The following SKIC8 variants were observed in gnomAD, a reference collection of about 807,000 sequenced individuals.
The protein encoded by SKIC8 is superkiller complex protein 8.
the SKIC8 span, chr15:78,292,758 A>C: frequency 2.4e-5 from 39 of 1,613,852 alleles, no homozygotes; most frequent in Non-Finnish European, 3.3e-5. Context: ...GTCCCTCCAG[A>C]CTCCACTGTA....
At chr15:78,292,599 A>G in the SKIC8 span, 6 of 1,614,002 alleles carry the variant, frequency 3.7e-6, no homozygotes, top group Non-Finnish European at 5.1e-6. Context: ...TATCTCCCCT[A>G]CAAGTAAAAC....
chr15:78,288,806 A>T, the SKIC8 span: 4 of 361,112 alleles, frequency 1.1e-5, no homozygotes, highest in Admixed American at 1.7e-4. Flanking sequence ...TCAAAACAGC[A>T]CAACAGTACG....
the SKIC8 span, chr15:78,295,033 C>T: frequency 6.2e-7 from 1 of 1,602,218 alleles, no homozygotes; most frequent in Admixed American, 1.7e-5. Flanking sequence ...CTCACATTGC[C>T]TCCAGAAAGC....
the SKIC8 span, chr15:78,294,840 G>A: frequency 7.7e-7 from 1 of 1,296,442 alleles, no homozygotes; most frequent in Non-Finnish European, 1.1e-6. Flanking sequence ...TCTGCAAAGT[G>A]AGTATACTTG....
chr15:78,285,389 G>A, the SKIC8 span: 33 of 1,545,932 alleles, frequency 2.1e-5, no homozygotes, highest in African/African-American at 3.7e-4. Context: ...GAAGGACTTC[G>A]ACCAAAAATC....
the SKIC8 span, chr15:78,283,600 C>A: frequency 8.8e-7 from 1 of 1,142,592 alleles, no homozygotes; most frequent in South Asian, 1.5e-5. Context: ...CTTATTTTCT[C>A]GTTATTCTGA....
At chr15:78,289,458 A>C in the SKIC8 span, among the ~76,000 whole-genome samples, 1 of 152,162 alleles carries the variant, frequency 6.6e-6, no homozygotes, top group African/African-American at 2.4e-5. Flanking sequence ...AAAAAACTAT[A>C]GTGACAAGAC....
chr15:78,285,431 C>A, the SKIC8 span: 1 of 1,089,430 alleles, frequency 9.2e-7, no homozygotes, highest in Non-Finnish European at 1.4e-6. Flanking sequence ...TAACTTCAGA[C>A]CCCCCAACCC....
At chr15:78,295,403 T>A in the SKIC8 span, 1 of 115,218 alleles carries the variant, frequency 8.7e-6, no homozygotes, top group Non-Finnish European at 1.7e-5. Flanking sequence ...ATTCTGATCT[T>A]TTTTTTTTTT....
the SKIC8 span, chr15:78,294,765 G>C: frequency 1.9e-6 from 1 of 539,262 alleles, no homozygotes; most frequent in East Asian, 3.1e-5. Flanking sequence ...TGGTTGTTCA[G>C]GTTTTTGTTG....
the SKIC8 span, chr15:78,291,357 T>A: frequency 6.6e-6 from 1 of 152,282 alleles, no homozygotes; most frequent in East Asian, 1.9e-4. Context: ...CTTAAGACCA[T>A]GCTTATATAT....
chr15:78,297,194 G>A, the SKIC8 span, among the ~76,000 whole-genome samples: 1 of 152,132 alleles, frequency 6.6e-6, no homozygotes, highest in Admixed American at 6.5e-5. Flanking sequence ...CCGACAAAAA[G>A]CACAAAGATG....
At chr15:78,288,340 G>GA in the SKIC8 span, 1 of 1,613,922 alleles carries the variant, frequency 6.2e-7, no homozygotes, top group Non-Finnish European at 8.5e-7. Context: ...AAGGAGCTGG[G>GA]AGTCCGGGGA....
the SKIC8 span, chr15:78,289,796 G>C: frequency 6.6e-7 from 1 of 1,520,636 alleles, no homozygotes; most frequent in Non-Finnish European, 9.1e-7. Context: ...CAAACCTCCT[G>C]CTATCTACAG....
chr15:78,288,815 C>T, the SKIC8 span: 10 of 374,782 alleles, frequency 2.7e-5, no homozygotes, highest in African/African-American at 4.3e-5. Flanking sequence ...CACAACAGTA[C>T]GCATAATAAA....
At chr15:78,292,115 T>C in the SKIC8 span, 1 of 154,826 alleles carries the variant, frequency 6.5e-6, no homozygotes, top group African/African-American at 2.4e-5. Flanking sequence ...AATCACACCC[T>C]TTAATCAAAA....
the SKIC8 span, chr15:78,293,429 C>A: frequency 1.5e-6 from 1 of 665,410 alleles, no homozygotes; most frequent in Non-Finnish European, 2.5e-6. Flanking sequence ...TTTGGGGCCA[C>A]ATATGAAAAT....
the SKIC8 span, among the ~76,000 whole-genome samples, chr15:78,299,075 A>T: frequency 6.6e-6 from 1 of 152,190 alleles, no homozygotes; most frequent in Non-Finnish European, 1.5e-5. Context: ...TCCAAGGAAC[A>T]CTACAGATGC....
the SKIC8 span, chr15:78,286,314 A>C: frequency 1.7e-6 from 1 of 575,194 alleles, no homozygotes; most frequent in South Asian, 2.5e-5. Context: ...ATTAGAGACA[A>C]ATTTTAATAG....
Sources: gnomAD v4.1 joint callset for allele counts (sites outside exome capture counted in the v4.1 genomes callset) on GRCh38, gnomAD v4.1.1 for gene constraint, MANE v1.5 for transcripts, NCBI Gene and HGNC (gene_info 2026-07-23, HGNC 2026-07-21) for gene names.